ZNRF3: variants seen among roughly 807,000 people sequenced by gnomAD.
ZNRF3 encodes the protein zinc and ring finger 3.
A neutral mutation model predicts 72.5 loss-of-function variants in ZNRF3; 23 were observed. The ratio of observed to expected loss-of-function variants is 0.32; its 90% CI spans 0.23 to 0.45. ZNRF3 has a LOEUF of 0.45. ZNRF3 is among the 20% of genes least tolerant of loss of function. The pLI, the probability that ZNRF3 is intolerant of heterozygous loss-of-function variation, is 1.00. For missense variants in ZNRF3, 1,169 were observed against 1,272.1 expected (o/e 0.92, Z 1.23); for synonymous variants, 610 against 545.3 (o/e 1.12, Z -1.65).
intron 1 of ZNRF3, among the ~76,000 whole-genome samples, chr22:28,954,984 A>G (rs572237430): frequency 3.3e-5 from 5 of 149,824 alleles, no homozygotes; most frequent in African/African-American, 4.9e-5. Flanking sequence ...ACTAAAAGAT[A>G]TAATGGCTGA....
chr22:29,041,854 A>T (rs2036968842), intron 2 of ZNRF3, among the ~76,000 whole-genome samples: 1 of 152,136 alleles, frequency 6.6e-6, no homozygotes, highest in Non-Finnish European at 1.5e-5. Flanking sequence ...ATATTCTTCT[A>T]ACTGGGTGAC....
intron 1 of ZNRF3, among the ~76,000 whole-genome samples, chr22:28,887,132 G>A (rs548119745): frequency 3.9e-5 from 6 of 151,994 alleles, no homozygotes; most frequent in South Asian, 2.1e-4. Flanking sequence ...GAAAAAACCT[G>A]TTTAGGAGTG....
chr22:28,938,969 C>T (rs903869628), intron 1 of ZNRF3, among the ~76,000 whole-genome samples: 2 of 152,096 alleles, frequency 1.3e-5, no homozygotes, highest in African/African-American at 4.8e-5. Context: ...GGCATTTAAC[C>T]TCTCTGAGTT....
intron 1 of ZNRF3, among the ~76,000 whole-genome samples, chr22:28,985,336 T>A (rs1048081259): frequency 2.6e-5 from 4 of 152,082 alleles, no homozygotes; most frequent in Non-Finnish European, 4.4e-5. Flanking sequence ...CATCCTTTTC[T>A]CCCCTCTATA....
At chr22:28,984,537 C>A (rs999359894) in intron 1 of ZNRF3, among the ~76,000 whole-genome samples, 2 of 152,172 alleles carry the variant, frequency 1.3e-5, no homozygotes, top group African/African-American at 4.8e-5. Flanking sequence ...TATAAGTAAC[C>A]AAAAGCAGCC....
At chr22:29,037,566 A>G (rs766866407) in intron 2 of ZNRF3, among the ~76,000 whole-genome samples, 42 of 152,234 alleles carry the variant, frequency 2.8e-4, no homozygotes, top group Non-Finnish European at 5.4e-4. Flanking sequence ...GTAAGTGCCA[A>G]CCACAATAGG....
intron 1 of ZNRF3, among the ~76,000 whole-genome samples, chr22:28,925,881 C>T (rs979166394): frequency 1.3e-5 from 2 of 152,038 alleles, no homozygotes. Context: ...TGTAAGGTTC[C>T]CTTTTTAATT....
At chr22:29,021,258 A>T in intron 2 of ZNRF3, among the ~76,000 whole-genome samples, 1 of 152,168 alleles carries the variant, frequency 6.6e-6, no homozygotes, top group Non-Finnish European at 1.5e-5. Context: ...ATAAATAAAT[A>T]AAAATAAAAT....
intron 1 of ZNRF3, among the ~76,000 whole-genome samples, chr22:28,911,352 T>C (rs2034313297): frequency 6.6e-6 from 1 of 152,156 alleles, no homozygotes; most frequent in African/African-American, 2.4e-5. Flanking sequence ...CATGACCGTG[T>C]TTTTGGTGAC....
chr22:28,919,061 C>G (rs1170925707), intron 1 of ZNRF3, among the ~76,000 whole-genome samples: 1 of 152,178 alleles, frequency 6.6e-6, no homozygotes, highest in Non-Finnish European at 1.5e-5. Context: ...GCTTGAATGT[C>G]TTCTTAATCC....
At chr22:28,944,728 C>T (rs944470318) in intron 1 of ZNRF3, among the ~76,000 whole-genome samples, 1 of 148,202 alleles carries the variant, frequency 6.7e-6, no homozygotes, top group Non-Finnish European at 1.5e-5. Flanking sequence ...GCACTCCAGC[C>T]TAGGTGACAA....
In ZNRF3 at chr22:28,996,863, A is replaced by G. The variant is rs184320345; in HGVS notation, c.426+9662A>G. Among the ~76,000 whole-genome samples the G allele has an allele frequency of 2.0e-5, 3 of 152,366 alleles. No individual in the cohort carries two copies. In the East Asian group the frequency reaches 5.8e-4, roughly 29 times the overall value. On this transcript the variant is annotated intron_variant, in intron 2 of 8. Transcript: ENST00000544604. Reference sequence around the variant, plus strand: ...ACCTGGATGGGTCTTTACTTGAGACAGGAACTTGGGTAAAGCTACAGAGTT... The same window carrying G: ...ACCTGGATGGGTCTTTACTTGAGACGGGAACTTGGGTAAAGCTACAGAGTT...
Position 28,890,238 on chromosome 22 carries a change from C to T in ZNRF3, c.300+6172C>T, listed in dbSNP as rs539892234. 5.9e-5 allele frequency among the ~76,000 whole-genome samples: 9 copies of T among 152,300 alleles called. 1 individual carries two copies. In the South Asian group the frequency reaches 1.2e-3, roughly 21 times the overall value. On this transcript the variant is annotated intron_variant, in intron 1 of 8. Transcript: ENST00000544604. The stretch of plus-strand genomic sequence containing the variant: ...TGATCTGGCCCGGTGTGGTGGCTCA[C>T]GCCTGTAATCCCAACACTTTGGGAA...
intron 5 of ZNRF3, 65 bp downstream of exon 5, chr22:29,044,955 G>T: frequency 1.7e-6 from 2 of 1,149,060 alleles, no homozygotes; most frequent in South Asian, 1.2e-5. Context: ...GGAAAACCAG[G>T]ACTCTCGTCA....
chr22:28,989,375 GC>G (rs1371069837), intron 2 of ZNRF3, among the ~76,000 whole-genome samples: 3 of 152,100 alleles, frequency 2.0e-5, no homozygotes, highest in Non-Finnish European at 4.4e-5. Flanking sequence ...CTCTCCTGCC[GC>G]CCCTCTTTCT....
At position 29,054,675 on chromosome 22, in the gene ZNRF3, G is replaced by A. The variant is rs2037268012; in HGVS notation, c.*1053G>A. The stretch of plus-strand genomic sequence containing the variant: ...GTGGCCTTGGTGTCCGATGGGGCTG[G>A]GGGAGAGTGCTCTCCACTGACCCAG... On this transcript the variant is annotated 3_prime_UTR_variant, in exon 9 of 9. Coordinates refer to ENST00000544604, the MANE Select transcript of ZNRF3 (RefSeq NM_001206998.2). 6.5e-6 allele frequency: 1 copy of A among 152,784 alleles called. No homozygotes were observed. Among genetic ancestry groups the A allele is most frequent in the Non-Finnish European group, 1.5e-5 (1 of 68,132 alleles). The allele number at this position is 152,784 out of a possible 1,614,324, so 9.5% of individuals were successfully genotyped here. A position where few individuals can be genotyped will look rare whatever the true frequency, so the allele number is the denominator to read the frequency against.
chr22:28,905,566 CAG>C (rs1231532425), intron 1 of ZNRF3, among the ~76,000 whole-genome samples: 1 of 152,192 alleles, frequency 6.6e-6, no homozygotes, highest in Non-Finnish European at 1.5e-5. Flanking sequence ...AATGATAGAA[CAG>C]AGGATAGTGC....
intron 2 of ZNRF3, among the ~76,000 whole-genome samples, chr22:29,024,052 C>G (rs746561762): frequency 2.6e-5 from 4 of 152,162 alleles, no homozygotes; most frequent in Non-Finnish European, 5.9e-5. Context: ...TGAGACTTTC[C>G]TAACAGGAAA....
intron 1 of ZNRF3, among the ~76,000 whole-genome samples, chr22:28,978,512 T>C (rs1205859438): frequency 6.6e-6 from 1 of 152,196 alleles, no homozygotes; most frequent in East Asian, 1.9e-4. Context: ...GGGTCTCTCT[T>C]GGTCCTGATG....
Sources: gnomAD v4.1 joint callset for allele counts (sites outside exome capture counted in the v4.1 genomes callset) on GRCh38, gnomAD v4.1.1 for gene constraint, MANE v1.5 for transcripts, NCBI Gene and HGNC (gene_info 2026-07-23, HGNC 2026-07-21) for gene names.